NBAS: variants seen among roughly 807,000 people sequenced by gnomAD.
The protein encoded by NBAS is NAG/BC035112 fusion.
In NBAS, 219 loss-of-function variants were observed where a neutral mutation model predicts 302.5. The observed-to-expected ratio is 0.72, with a 90% confidence interval of 0.65 to 0.81. The LOEUF (loss-of-function observed/expected upper bound fraction) is 0.81, where lower values mean the gene tolerates loss of function less well. Ranked by LOEUF, NBAS falls within the 30% of genes least tolerant of loss-of-function variation. NBAS has a pLI of 0.00. For synonymous variants in NBAS, 1,118 were observed against 1,021.6 expected (o/e 1.09, Z -1.80); for missense variants, 2,932 against 2,841.6 (o/e 1.03, Z -0.72).
intron 26 of NBAS, among the ~76,000 whole-genome samples, chr2:15,399,456 C>T (rs1378241480): frequency 6.6e-6 from 1 of 152,274 alleles, no homozygotes; most frequent in African/African-American, 2.4e-5. Context: ...TCTATTAAGA[C>T]TATCTAGTTT....
chr2:15,153,920 T>A, the NBAS span, among the ~76,000 whole-genome samples: 9 of 152,352 alleles, frequency 5.9e-5, no homozygotes, highest in Admixed American at 5.9e-4. Context: ...ATGTGTGTTA[T>A]CATTAAGATT....
chr2:14,783,477 C>CTCCCCCA, the NBAS span, among the ~76,000 whole-genome samples: 5 of 124,442 alleles, frequency 4.0e-5, 1 homozygote, highest in South Asian at 7.2e-4. Context: ...CCCCTCCCCC[C>CTCCCCCA]ACCCCGCAAC....
chr2:14,869,993 A>G, the NBAS span, among the ~76,000 whole-genome samples: 1 of 152,172 alleles, frequency 6.6e-6, no homozygotes, highest in Non-Finnish European at 1.5e-5. Context: ...AAGTAACAAA[A>G]ACTGGGTTTA....
At chr2:15,508,993 G>C (rs1455806507) in intron 10 of NBAS, among the ~76,000 whole-genome samples, 2 of 151,880 alleles carry the variant, frequency 1.3e-5, no homozygotes, top group Non-Finnish European at 2.9e-5. Context: ...ACAGAGCTAA[G>C]AGAAACTTCT....
chr2:15,129,264 C>T, the NBAS span, among the ~76,000 whole-genome samples: 9 of 152,222 alleles, frequency 5.9e-5, no homozygotes, highest in Admixed American at 3.3e-4. Flanking sequence ...ATGGCCTTGT[C>T]GGGTTTACTG....
chr2:15,096,196 G>A, the NBAS span, among the ~76,000 whole-genome samples: 1 of 152,180 alleles, frequency 6.6e-6, no homozygotes, highest in Non-Finnish European at 1.5e-5. Flanking sequence ...TTCACCTAAG[G>A]GTTTTCAAAG....
At chr2:15,507,037 T>C (rs1661889583) in intron 10 of NBAS, among the ~76,000 whole-genome samples, 2 of 151,972 alleles carry the variant, frequency 1.3e-5, no homozygotes, top group South Asian at 2.1e-4. Flanking sequence ...GGAAAAGAAA[T>C]GGGATGGTAG....
intron 9 of NBAS, among the ~76,000 whole-genome samples, chr2:15,524,795 T>C (rs1056423502): frequency 6.7e-6 from 1 of 150,116 alleles, no homozygotes; most frequent in African/African-American, 2.5e-5. Flanking sequence ...GACCTAGGTA[T>C]GCATTTTTTT....
chr2:15,010,553 T>C, the NBAS span, among the ~76,000 whole-genome samples: 2 of 152,138 alleles, frequency 1.3e-5, no homozygotes, highest in Non-Finnish European at 2.9e-5. Context: ...TTCAAGTAGT[T>C]AGTCACATTG....
intron 51 of NBAS, among the ~76,000 whole-genome samples, chr2:15,168,416 C>T (rs1366823960): frequency 6.6e-6 from 1 of 152,144 alleles, no homozygotes; most frequent in East Asian, 1.9e-4. Context: ...GAATAAAATC[C>T]TGCCCACTAT....
the NBAS span, among the ~76,000 whole-genome samples, chr2:15,117,565 AC>A: frequency 6.6e-6 from 1 of 152,182 alleles, no homozygotes; most frequent in Non-Finnish European, 1.5e-5. Flanking sequence ...GTTTGGAAAT[AC>A]CTGTTTGAAC....
intron 44 of NBAS, among the ~76,000 whole-genome samples, chr2:15,252,365 G>A (rs1430441042): frequency 2.0e-5 from 3 of 152,126 alleles, no homozygotes; most frequent in East Asian, 3.9e-4. Flanking sequence ...GGGCGTGGTG[G>A]CGCGTGCCTG....
the NBAS span, among the ~76,000 whole-genome samples, chr2:15,009,509 G>A: frequency 6.6e-6 from 1 of 151,476 alleles, no homozygotes; most frequent in Non-Finnish European, 1.5e-5. Flanking sequence ...AGTGGGCTCA[G>A]TAAATAATGC....
chr2:15,324,111 C>A (rs934689121), intron 38 of NBAS, among the ~76,000 whole-genome samples: 1 of 152,012 alleles, frequency 6.6e-6, no homozygotes, highest in Admixed American at 6.6e-5. Flanking sequence ...TGAGTGAAGG[C>A]GCACATCAGG....
At position 15,330,472 on chromosome 2, in the gene NBAS, T is replaced by C; in HGVS notation, c.4347+126A>G. 7 of 1,297,946 alleles carry C rather than the reference T, an allele frequency of 5.4e-6. 1 individual carries two copies. In the South Asian group the frequency reaches 7.9e-5, roughly 15 times the overall value. 80.4% of individuals were successfully genotyped at this position (1,297,946 alleles called of 1,614,324 possible). The stretch of plus-strand genomic sequence containing the variant: ...CTCCCTATCTGATGAGAGGCCTACA[T>C]TTCTTAAGAGATTGTTTTAACAATC... On this transcript the variant is annotated intron_variant, in intron 36 of 51. Coordinates refer to ENST00000281513, the MANE Select transcript of NBAS (RefSeq NM_015909.4).
Position 15,354,080 on chromosome 2 carries a change from T to G in NBAS, c.3932-370A>C, listed in dbSNP as rs144115264. Among the ~76,000 whole-genome samples, 5 of 152,296 alleles carry G rather than the reference T, an allele frequency of 3.3e-5. No individual in the cohort carries two copies. In the East Asian group the frequency reaches 7.7e-4, roughly 24 times the overall value. Reference sequence around the variant, plus strand: ...TGCTACTTAGCACTCCTGTGAGAGCTTTAAGAAAGAGCCAAAAGTCTCACA... The same window carrying G: ...TGCTACTTAGCACTCCTGTGAGAGCGTTAAGAAAGAGCCAAAAGTCTCACA... On this transcript the variant is annotated intron_variant, in intron 33 of 51. Coordinates refer to ENST00000281513, the MANE Select transcript of NBAS (RefSeq NM_015909.4).
the NBAS span, among the ~76,000 whole-genome samples, chr2:15,119,491 C>T: frequency 2.6e-5 from 4 of 152,004 alleles, no homozygotes; most frequent in Admixed American, 2.6e-4. Flanking sequence ...CAGGCGCCTG[C>T]CACCACGCCC....
the NBAS span, among the ~76,000 whole-genome samples, chr2:15,128,087 C>T: frequency 1.3e-5 from 2 of 152,180 alleles, no homozygotes; most frequent in East Asian, 1.9e-4. Context: ...CCAGCAGCAT[C>T]CCTGGAGGAA....
chr2:14,838,119 T>C, the NBAS span, among the ~76,000 whole-genome samples: 1 of 151,938 alleles, frequency 6.6e-6, no homozygotes, highest in African/African-American at 2.4e-5. Flanking sequence ...TGTCACCTGA[T>C]AACGCTCATT....
Sources: allele counts gnomAD v4.1 joint callset (sites outside exome capture counted in the v4.1 genomes callset), GRCh38; gene constraint gnomAD v4.1.1; transcripts MANE v1.5; gene names NCBI Gene and HGNC (gene_info 2026-07-23, HGNC 2026-07-21).